Variants in GLIS1 observed in about 807,000 individuals in gnomAD.
GLIS1 encodes the protein zinc finger protein GLIS1.
Under a neutral mutation model 63.8 loss-of-function variants are expected in GLIS1, and 24 were observed. The ratio of observed to expected loss-of-function variants is 0.38; its 90% confidence interval spans 0.27 to 0.53. The LOEUF (loss-of-function observed/expected upper bound fraction) is 0.53. GLIS1 is among the 20% of genes least tolerant of loss of function. The pLI is 0.85. For synonymous variants in GLIS1, 450 were observed against 482.5 expected (o/e 0.93, Z 0.88); for missense variants, 1,036 against 1,074.1 (o/e 0.96, Z 0.50).
At chr1:53,522,957 T>C (rs1644424859) in intron 6 of GLIS1, among the ~76,000 whole-genome samples, 1 of 142,856 alleles carries the variant, frequency 7.0e-6, no homozygotes, top group South Asian at 2.4e-4. Flanking sequence ...ACACCTACGG[T>C]TGTAGTTTCT....
intron 2 of GLIS1, among the ~76,000 whole-genome samples, chr1:53,666,231 G>A (rs998413486): frequency 1.4e-4 from 22 of 152,330 alleles, no homozygotes; most frequent in African/African-American, 5.3e-4. Context: ...GCCAGGGCTA[G>A]TGCTTCACAA....
intron 2 of GLIS1, among the ~76,000 whole-genome samples, chr1:53,704,849 C>T (rs1176913783): frequency 6.6e-6 from 1 of 152,218 alleles, no homozygotes; most frequent in African/African-American, 2.4e-5. Context: ...TAACCCTCCA[C>T]ATGAGGCATG....
chr1:53,509,045 C>A, intron 10 of GLIS1, 75 bp downstream of exon 10: 1 of 1,393,022 alleles, frequency 7.2e-7, no homozygotes, highest in Admixed American at 2.2e-5. Context: ...TGCAGGACAG[C>A]ACGTATGCAG....
chr1:53,672,651 G>A (rs142330188), intron 2 of GLIS1, among the ~76,000 whole-genome samples: 109 of 152,358 alleles, frequency 7.2e-4, no homozygotes, highest in African/African-American at 2.5e-3. Context: ...CCCAAACCCA[G>A]TTGGCTTTTG....
At chr1:53,633,900 A>C (rs1645696531) in intron 2 of GLIS1, among the ~76,000 whole-genome samples, 1 of 152,198 alleles carries the variant, frequency 6.6e-6, no homozygotes, top group African/African-American at 2.4e-5. Context: ...CAGAGAGACC[A>C]GTTATGAGAT....
chr1:53,572,777 G>A (rs981733383), intron 4 of GLIS1, among the ~76,000 whole-genome samples: 1 of 152,188 alleles, frequency 6.6e-6, no homozygotes, highest in African/African-American at 2.4e-5. Context: ...GCCTCTTTCT[G>A]GCTCTGGCTG....
At chr1:53,700,761 A>G (rs1328072766) in intron 2 of GLIS1, among the ~76,000 whole-genome samples, 1 of 152,160 alleles carries the variant, frequency 6.6e-6, no homozygotes, top group African/African-American at 2.4e-5. Context: ...ACCTGTACCC[A>G]TTAGCATTCA....
intron 4 of GLIS1, among the ~76,000 whole-genome samples, chr1:53,550,171 G>T (rs1162229469): frequency 6.6e-6 from 1 of 152,140 alleles, no homozygotes; most frequent in African/African-American, 2.4e-5. Context: ...GCTCAAATTG[G>T]GTGGAAAAGG....
At chr1:53,589,821 G>A (rs1425284335) in intron 4 of GLIS1, among the ~76,000 whole-genome samples, 2 of 152,206 alleles carry the variant, frequency 1.3e-5, no homozygotes, top group Admixed American at 6.5e-5. Context: ...TGCCCCCTGA[G>A]CAGACACTGT....
chr1:53,512,945 G>A (rs1295567788), intron 8 of GLIS1, among the ~76,000 whole-genome samples: 1 of 152,206 alleles, frequency 6.6e-6, no homozygotes, highest in Non-Finnish European at 1.5e-5. Flanking sequence ...GAGGCACACA[G>A]TGTCAGGCGT....
At chr1:53,709,420 A>ATATATATACC (rs1190855351) in intron 2 of GLIS1, among the ~76,000 whole-genome samples, 1 of 135,448 alleles carries the variant, frequency 7.4e-6, no homozygotes, top group South Asian at 2.4e-4. Context: ...ATACACACAC[A>ATATATATACC]CACACACACA....
chr1:53,524,782 T>TA lies in GLIS1; in HGVS notation c.1587dup (p.Lys530Ter). 1 of 1,612,718 alleles carries TA rather than the reference T, an allele frequency of 6.2e-7. No individual in the cohort carries two copies. Among genetic ancestry groups the TA allele is most frequent in the Non-Finnish European group, 8.5e-7 (1 of 1,179,254 alleles). ...GATGAGGAGGGCTGGCTTACCTTCT[T>TA]ACGCACCTGCTGCTCTTTGGCTGAA... On this transcript the variant is annotated frameshift_variant, in exon 6 of 11. Coordinates refer to ENST00000628545, the MANE Select transcript of GLIS1 (RefSeq NM_001367484.1). LOFTEE classifies it high-confidence loss of function.
chr1:53,681,155 A>G (rs1646270845), intron 2 of GLIS1, among the ~76,000 whole-genome samples: 1 of 150,546 alleles, frequency 6.6e-6, no homozygotes, highest in Admixed American at 6.6e-5. Context: ...GCACTCCTCC[A>G]CTGCTCCGTG....
chr1:53,696,492 C>A (rs1646466344), intron 2 of GLIS1, among the ~76,000 whole-genome samples: 1 of 152,160 alleles, frequency 6.6e-6, no homozygotes, highest in Non-Finnish European at 1.5e-5. Flanking sequence ...AAAAATGCAC[C>A]ACTTGCCCTT....
At chr1:53,507,454 A>G (rs1052617693) in intron 10 of GLIS1, among the ~76,000 whole-genome samples, 9 of 152,156 alleles carry the variant, frequency 5.9e-5, no homozygotes, top group Non-Finnish European at 7.3e-5. Context: ...GGGTGGGGCC[A>G]CCGCTCAGAG....
intron 2 of GLIS1, among the ~76,000 whole-genome samples, chr1:53,697,265 CAG>C (rs1646474944): frequency 6.6e-6 from 1 of 152,218 alleles, no homozygotes; most frequent in African/African-American, 2.4e-5. Context: ...CAAAATCCTT[CAG>C]AGACTCCCCC....
rs1645595436 is a variant in GLIS1 at position 53,626,496 on chromosome 1, A to C, written c.260-26218T>G. 2.0e-5 allele frequency among the ~76,000 whole-genome samples: 3 copies of C among 152,200 alleles called. No homozygotes were observed. The South Asian group carries it at 6.2e-4, about 32-fold the overall frequency. On this transcript the variant is annotated intron_variant, in intron 2 of 10. Coordinates refer to ENST00000628545, the MANE Select transcript of GLIS1 (RefSeq NM_001367484.1). ...GAGCTGGCCGTGGAGGCCCTCCCTG[A>C]CCTGAGAAGTCTCACAATCATACCA...
chr1:53,517,426 G>A (rs1644363877), intron 7 of GLIS1, among the ~76,000 whole-genome samples: 1 of 152,186 alleles, frequency 6.6e-6, no homozygotes. Context: ...GCGAGGAGCT[G>A]CCCACACTTT....
chr1:53,551,253 C>A (rs1202949927), intron 4 of GLIS1, among the ~76,000 whole-genome samples: 1 of 152,200 alleles, frequency 6.6e-6, no homozygotes, highest in Non-Finnish European at 1.5e-5. Flanking sequence ...TTGAAGTCCT[C>A]TGTTCTCTTT....
Sources: gnomAD v4.1 joint callset for allele counts (sites outside exome capture counted in the v4.1 genomes callset) on GRCh38, gnomAD v4.1.1 for gene constraint, MANE v1.5 for transcripts, NCBI Gene and HGNC (gene_info 2026-07-23, HGNC 2026-07-21) for gene names.